The following MEOX2 variants were observed in gnomAD, a reference collection of about 807,000 sequenced individuals.
MEOX2 encodes homeobox protein MOX-2.
A neutral mutation model predicts 27.0 loss-of-function variants in MEOX2; 11 were observed. The observed-to-expected ratio is 0.41, with a 90% CI of 0.26 to 0.68. The LOEUF is 0.68. Among genes scored for constraint, MEOX2 ranks in the 30% least tolerant of loss-of-function variants. The pLI is 0.33. For synonymous variants in MEOX2, 189 were observed against 155.4 expected (o/e 1.22, Z -1.61); for missense variants, 436 against 385.4 (o/e 1.13, Z -1.10).
chr7:15,628,319 G>T (rs574132658), intron 1 of MEOX2, among the ~76,000 whole-genome samples: 1 of 152,102 alleles, frequency 6.6e-6, no homozygotes, highest in East Asian at 1.9e-4. Flanking sequence ...CTTTTACTTT[G>T]ATTCTTAGCA....
intron 1 of MEOX2, among the ~76,000 whole-genome samples, chr7:15,684,243 T>C (rs2115399938): frequency 6.6e-6 from 1 of 152,298 alleles, no homozygotes; most frequent in South Asian, 2.1e-4. Flanking sequence ...AGTACGCTCA[T>C]CAACCCGAAC....
At chr7:15,631,932 G>GTGTGTGTGTGTGTGTGTGTGTGTGT (rs371386224) in intron 1 of MEOX2, among the ~76,000 whole-genome samples, 23 of 149,826 alleles carry the variant, frequency 1.5e-4, no homozygotes, top group South Asian at 4.2e-4. Context: ...GTGTGTGTGT[G>GTGTGTGTGTGTGTGTGTGTGTGTGT]GAGAGAAAGA....
intron 1 of MEOX2, among the ~76,000 whole-genome samples, chr7:15,639,678 A>T (rs1781531387): frequency 6.6e-6 from 1 of 152,068 alleles, no homozygotes; most frequent in Non-Finnish European, 1.5e-5. Context: ...ATTCTTCTGC[A>T]TGTAGCTAGC....
intron 1 of MEOX2, among the ~76,000 whole-genome samples, chr7:15,632,971 C>CCA: frequency 6.6e-6 from 1 of 151,944 alleles, no homozygotes; most frequent in Non-Finnish European, 1.5e-5. Context: ...GACTAAAGGC[C>CCA]CTAATTAAGA....
chr7:15,632,574 A>C (rs1018685216), intron 1 of MEOX2, among the ~76,000 whole-genome samples: 2 of 151,930 alleles, frequency 1.3e-5, no homozygotes, highest in African/African-American at 4.8e-5. Context: ...AAATTTTAAC[A>C]AAATTAACAA....
intron 1 of MEOX2, among the ~76,000 whole-genome samples, chr7:15,655,471 G>T (rs1032384746): frequency 6.6e-6 from 1 of 151,424 alleles, no homozygotes; most frequent in East Asian, 1.9e-4. Context: ...TTAGACAATT[G>T]TTCTGAAACC....
At chr7:15,645,427 A>C (rs1781625849) in intron 1 of MEOX2, among the ~76,000 whole-genome samples, 1 of 152,228 alleles carries the variant, frequency 6.6e-6, no homozygotes, top group Non-Finnish European at 1.5e-5. Context: ...TTTTATATCC[A>C]AATACCGAAA....
chr7:15,627,857 AAT>A (rs1781340948), intron 1 of MEOX2, among the ~76,000 whole-genome samples: 1 of 143,948 alleles, frequency 6.9e-6, no homozygotes, highest in South Asian at 2.1e-4. Context: ...ACCCAGCTCT[AAT>A]AACTTAGGGC....
At chr7:15,628,830 A>AT (rs371344679) in intron 1 of MEOX2, among the ~76,000 whole-genome samples, 17 of 152,050 alleles carry the variant, frequency 1.1e-4, no homozygotes, top group African/African-American at 4.1e-4. Flanking sequence ...CAAATGATTG[A>AT]TTTTTTTAAA....
At chr7:15,638,349 T>A (rs1583757367) in intron 1 of MEOX2, among the ~76,000 whole-genome samples, 1 of 152,284 alleles carries the variant, frequency 6.6e-6, no homozygotes, top group South Asian at 2.1e-4. Flanking sequence ...GGCATTATCT[T>A]TTATTTATGT....
chr7:15,621,046 G>C (rs554718937), intron 2 of MEOX2, among the ~76,000 whole-genome samples: 17 of 152,176 alleles, frequency 1.1e-4, no homozygotes, highest in African/African-American at 4.1e-4. Flanking sequence ...TTTTCTCCAA[G>C]TTTATCTGGA....
In MEOX2 at chr7:15,686,163, A is replaced by T; in HGVS notation, c.240T>A (p.His80Gln). Residue 80 changes from histidine (H) to glutamine (Q), a missense_variant, in exon 1 of 3, where the codon CAT becomes CAA. Transcript: ENST00000262041. ...GCAGAGCCTGGTGCTGCTGCTGCTG[A>T]TGGTGGTGATGGTGGTGGTGGTGGT... is the stretch of plus-strand genomic sequence containing the variant. ...HHHHHHHHHH[H>Q]QQQQHQALQT... The T allele has an allele frequency of 6.6e-7, 1 of 1,519,970 alleles. No individual in the cohort carries two copies. Among genetic ancestry groups the T allele is most frequent in the Non-Finnish European group, 8.8e-7 (1 of 1,139,186 alleles). 94.2% of individuals were successfully genotyped at this position (1,519,970 alleles called of 1,614,324 possible). A position where few individuals can be genotyped will look rare whatever the true frequency, so the allele number is the denominator to read the frequency against.
intron 1 of MEOX2, among the ~76,000 whole-genome samples, chr7:15,651,723 T>C (rs1781734640): frequency 6.6e-6 from 1 of 152,036 alleles, no homozygotes; most frequent in African/African-American, 2.4e-5. Flanking sequence ...CCAAGTGTTC[T>C]ATTTTGAATT....
intron 1 of MEOX2, among the ~76,000 whole-genome samples, chr7:15,665,730 A>G (rs562059655): frequency 6.6e-6 from 1 of 152,238 alleles, no homozygotes; most frequent in Non-Finnish European, 1.5e-5. Flanking sequence ...AGTGGACATC[A>G]GTAATGTAAC....
At chr7:15,628,297 TTAATG>T in intron 1 of MEOX2, among the ~76,000 whole-genome samples, 1 of 152,198 alleles carries the variant, frequency 6.6e-6, no homozygotes, top group Non-Finnish European at 1.5e-5. Flanking sequence ...ACAAGGCACT[TTAATG>T]TAAAGACTTT....
chr7:15,625,443 G>T (rs1024716700), intron 2 of MEOX2, among the ~76,000 whole-genome samples: 16 of 152,270 alleles, frequency 1.1e-4, no homozygotes, highest in African/African-American at 3.6e-4. Flanking sequence ...CCACAGAAAA[G>T]TGTTCCTCTG....
chr7:15,665,041 TCACACACACACACACA>T (rs35772927), intron 1 of MEOX2, among the ~76,000 whole-genome samples: 8 of 141,222 alleles, frequency 5.7e-5, no homozygotes, highest in Non-Finnish European at 1.1e-4. Flanking sequence ...TAAGTGGACA[TCACACACACACACACA>T]CACACACACA....
intron 1 of MEOX2, among the ~76,000 whole-genome samples, chr7:15,675,781 C>A (rs528335170): frequency 6.6e-6 from 1 of 152,132 alleles, no homozygotes; most frequent in Non-Finnish European, 1.5e-5. Flanking sequence ...TGGTTGATGC[C>A]GTTGGACCCT....
intron 2 of MEOX2, among the ~76,000 whole-genome samples, chr7:15,622,659 A>T (rs1322503666): frequency 1.1e-4 from 17 of 152,180 alleles, no homozygotes; most frequent in Admixed American, 1.1e-3. Flanking sequence ...GTTGTTTAAG[A>T]TTATATAGGG....
Sources: gnomAD v4.1 joint callset for allele counts (sites outside exome capture counted in the v4.1 genomes callset) on GRCh38, gnomAD v4.1.1 for gene constraint, MANE v1.5 for transcripts, NCBI Gene and HGNC (gene_info 2026-07-23, HGNC 2026-07-21) for gene names.